The following NDST3 variants were observed in gnomAD, a reference collection of about 807,000 sequenced individuals.
The protein encoded by NDST3 is N-deacetylase and N-sulfotransferase 3, also known as bifunctional heparan sulfate N-deacetylase/N-sulfotransferase 3.
NDST3 carries 58 observed loss-of-function variants against 96.1 expected under a neutral mutation model. The observed-to-expected ratio is 0.60, with a 90% CI of 0.49 to 0.75. The LOEUF is 0.75. NDST3 is among the 30% of genes least tolerant of loss of function. The pLI is 0.00. For missense variants in NDST3, 788 were observed against 1,034.2 expected (o/e 0.76, Z 3.27); for synonymous variants, 333 against 359.7 (o/e 0.93, Z 0.84).
intron 12 of NDST3, among the ~76,000 whole-genome samples, chr4:118,245,070 A>T (rs1741230526): frequency 6.6e-6 from 1 of 152,176 alleles, no homozygotes; most frequent in African/African-American, 2.4e-5. Context: ...TTTGTGTTAC[A>T]TGTTATATAG....
chr4:118,036,286 G>A (rs1033672939), intron 1 of NDST3, among the ~76,000 whole-genome samples: 1 of 152,074 alleles, frequency 6.6e-6, no homozygotes, highest in Non-Finnish European at 1.5e-5. Flanking sequence ...AGCCTTAAAA[G>A]TGCATTTGTT....
intron 6 of NDST3, among the ~76,000 whole-genome samples, chr4:118,165,111 C>T (rs116110838): frequency 6.6e-6 from 1 of 152,142 alleles, no homozygotes; most frequent in African/African-American, 2.4e-5. Context: ...ATAAATTAAA[C>T]TCCTCAATCA....
chr4:118,074,920 A>G (rs1013567057), intron 2 of NDST3, among the ~76,000 whole-genome samples: 3 of 152,008 alleles, frequency 2.0e-5, no homozygotes. Context: ...TTATTATTAT[A>G]CTTTAAGTTC....
At chr4:118,126,840 T>C (rs1382085733) in intron 4 of NDST3, among the ~76,000 whole-genome samples, 2 of 151,962 alleles carry the variant, frequency 1.3e-5, no homozygotes, top group Non-Finnish European at 2.9e-5. Flanking sequence ...TTTCTCTACA[T>C]CTCTCCAGCA....
chr4:118,034,772 C>T (rs949635310), intron 1 of NDST3, among the ~76,000 whole-genome samples, 180 bp downstream of exon 1: 1 of 152,112 alleles, frequency 6.6e-6, no homozygotes, highest in Non-Finnish European at 1.5e-5. Context: ...AAACAAAGGA[C>T]CGTCTCATTC....
At chr4:118,138,489 TA>T (rs1013143816) in intron 5 of NDST3, among the ~76,000 whole-genome samples, 2 of 151,628 alleles carry the variant, frequency 1.3e-5, no homozygotes, top group African/African-American at 4.8e-5. Context: ...GTTAAAATAC[TA>T]AAAAAAAATT....
intron 3 of NDST3, among the ~76,000 whole-genome samples, chr4:118,106,509 C>T (rs565314858): frequency 1.6e-4 from 24 of 151,900 alleles, no homozygotes; most frequent in Non-Finnish European, 3.2e-4. Context: ...CCATGACTGG[C>T]AAATTTTTCT....
chr4:118,112,135 C>A (rs778212508), intron 3 of NDST3, among the ~76,000 whole-genome samples: 2 of 151,108 alleles, frequency 1.3e-5, no homozygotes, highest in Non-Finnish European at 2.9e-5. Context: ...TGTCAGAAGG[C>A]AGATATCATT....
chr4:118,102,077 T>C (rs540636296), intron 2 of NDST3, among the ~76,000 whole-genome samples: 2 of 152,170 alleles, frequency 1.3e-5, no homozygotes, highest in South Asian at 4.1e-4. Context: ...ATTATATATG[T>C]TTATTTATTG....
In NDST3 at chr4:118,034,499, G is replaced by C. The variant is rs1209893449; in HGVS notation, c.-249G>C. On this transcript the variant is annotated 5_prime_UTR_variant, in exon 1 of 14. Coordinates refer to ENST00000296499, the MANE Select transcript of NDST3 (RefSeq NM_004784.3). ...TTGCTACCACTTGTAAAGTCAAAAA[G>C]CCTGAGCCGATGGTAACGAGTGGTA... The C allele has an allele frequency of 1.3e-5, 2 of 152,148 alleles. No homozygotes were observed. The highest frequency in any genetic ancestry group is 4.8e-5 in the African/African-American group (2 of 41,416). The allele number at this position is 152,148 out of a possible 1,614,324, so 9.4% of individuals were successfully genotyped here.
intron 6 of NDST3, among the ~76,000 whole-genome samples, chr4:118,186,554 G>A (rs541032183): frequency 9.2e-5 from 14 of 152,218 alleles, no homozygotes; most frequent in South Asian, 6.2e-4. Context: ...ATCTCTCCAC[G>A]TTGTTCTGCC....
intron 2 of NDST3, among the ~76,000 whole-genome samples, chr4:118,103,843 T>C (rs535710769): frequency 6.6e-6 from 1 of 152,316 alleles, no homozygotes; most frequent in South Asian, 2.1e-4. Flanking sequence ...AGAGTAGTGA[T>C]ACCAAAAGAA....
At chr4:118,168,835 C>T (rs778449600) in intron 6 of NDST3, among the ~76,000 whole-genome samples, 6 of 152,176 alleles carry the variant, frequency 3.9e-5, no homozygotes, top group African/African-American at 7.2e-5. Flanking sequence ...CATGGATCAA[C>T]ATTGAGGACA....
chr4:118,150,621 A>C (rs1022927258), intron 6 of NDST3, among the ~76,000 whole-genome samples: 2 of 151,528 alleles, frequency 1.3e-5, no homozygotes, highest in African/African-American at 4.9e-5. Flanking sequence ...ATGCAGCCAA[A>C]AAACACATGA....
chr4:118,084,157 A>G (rs1728232533), intron 2 of NDST3, among the ~76,000 whole-genome samples: 1 of 152,212 alleles, frequency 6.6e-6, no homozygotes, highest in East Asian at 1.9e-4. Flanking sequence ...TGAGAACTAC[A>G]GCTAATAAAA....
rs1355085643 is a variant in NDST3, at chr4:118,157,237, A to T, written c.1539+13553A>T. On this transcript the variant is annotated intron_variant, in intron 6 of 13. Coordinates refer to ENST00000296499, the MANE Select transcript of NDST3 (RefSeq NM_004784.3). ...ATATTTACCTACTTGTACGAAAAGA[A>T]ATACAGGAAAAACACACCAAAAATA... Among the ~76,000 whole-genome samples, 3 of 152,132 alleles carry T rather than the reference A, an allele frequency of 2.0e-5. No individual in the cohort carries two copies. The East Asian group carries it at 5.8e-4, about 29-fold the overall frequency.
chr4:118,103,435 T>C (rs1314888010), intron 2 of NDST3, among the ~76,000 whole-genome samples: 1 of 152,078 alleles, frequency 6.6e-6, no homozygotes, highest in African/African-American at 2.4e-5. Context: ...AAAGGGAAGA[T>C]ATTATAATTG....
chr4:118,226,820 A>G (rs2271577), intron 7 of NDST3, 66 bp from the exon 8 acceptor site: 195,645 of 1,116,414 alleles, frequency 0.18, 18,124 homozygotes, highest in South Asian at 0.24. Flanking sequence ...CACAAGTTGG[A>G]AAAGCTGGCA....
intron 6 of NDST3, among the ~76,000 whole-genome samples, chr4:118,207,627 G>T (rs1738520041): frequency 1.4e-5 from 2 of 144,626 alleles, no homozygotes; most frequent in African/African-American, 5.1e-5. Flanking sequence ...ATAGACAATT[G>T]CCTTCACAGC....
Sources: gnomAD v4.1 joint callset for allele counts (sites outside exome capture counted in the v4.1 genomes callset) on GRCh38, gnomAD v4.1.1 for gene constraint, MANE v1.5 for transcripts, NCBI Gene and HGNC (gene_info 2026-07-23, HGNC 2026-07-21) for gene names.